DAAM1: variants seen among roughly 807,000 people sequenced by gnomAD.
The protein encoded by DAAM1 is dishevelled associated activator of morphogenesis 1.
In DAAM1, 52 loss-of-function variants were observed where a neutral mutation model predicts 130.0. The ratio of observed to expected loss-of-function variants is 0.40; its 90% confidence interval spans 0.32 to 0.50. The LOEUF is 0.50. DAAM1 is among the 20% of genes least tolerant of loss of function. The pLI is 0.61. For missense variants in DAAM1, 1,134 were observed against 1,303.8 expected (o/e 0.87, Z 2.01); for synonymous variants, 452 against 444.5 (o/e 1.02, Z -0.21).
chr14:59,315,142 A>G, intron 3 of DAAM1, 138 bp from the exon 4 acceptor site: 1 of 807,754 alleles, frequency 1.2e-6, no homozygotes, highest in Non-Finnish European at 2.2e-6. Flanking sequence ...GCCAACATTT[A>G]AAAATAAATA....
intron 1 of DAAM1, among the ~76,000 whole-genome samples, chr14:59,228,534 C>G (rs1283765892): frequency 6.6e-6 from 1 of 152,140 alleles, no homozygotes; most frequent in Non-Finnish European, 1.5e-5. Context: ...CTTTGTCTTC[C>G]CACACATTTC....
chr14:59,320,271 T>C (rs902558572), intron 4 of DAAM1, among the ~76,000 whole-genome samples: 3 of 152,224 alleles, frequency 2.0e-5, no homozygotes. Flanking sequence ...AGTGTAATTA[T>C]AGAATAGTTA....
chr14:59,203,980 C>A (rs192123639), intron 1 of DAAM1, among the ~76,000 whole-genome samples: 290 of 152,336 alleles, frequency 1.9e-3, no homozygotes, highest in African/African-American at 6.3e-3. Flanking sequence ...CTGTGAAACA[C>A]TGTATTAAAA....
rs80306467 is a variant in DAAM1 at position 59,353,544 on chromosome 14, A to G, written c.2268-332A>G. ...CTTTTATCTCTTCTATGCTCAAAAG[A>G]GTTCCTGGGACTCTGAGGGAGGAGA... On this transcript the variant is annotated intron_variant, in intron 18 of 24. Transcript: ENST00000360909. Among the ~76,000 whole-genome samples the G allele has an allele frequency of 6.2e-3, 941 of 152,336 alleles. 11 individuals carry two copies. Among genetic ancestry groups the G allele is most frequent in the African/African-American group, 0.022 (904 of 41,588 alleles).
In DAAM1 at chr14:59,322,790, T is replaced by C. The variant is rs1885062797; in HGVS notation, c.441-102T>C. The C allele has an allele frequency of 3.1e-6, 3 of 955,042 alleles. No individual in the cohort carries two copies. The South Asian group carries it at 5.1e-5, about 16-fold the overall frequency. The allele number at this position is 955,042 out of a possible 1,614,324, so 59.2% of individuals were successfully genotyped here. On this transcript the variant is annotated intron_variant, in intron 5 of 24. Transcript: ENST00000360909. ...CATCAATGTAAGCCTTTTGGCACTT[T>C]AGGAACTAAATCTTTCTTTCCCCTG...
At chr14:59,222,959 C>T (rs776831951) in intron 1 of DAAM1, among the ~76,000 whole-genome samples, 1 of 152,238 alleles carries the variant, frequency 6.6e-6, no homozygotes, top group Non-Finnish European at 1.5e-5. Flanking sequence ...TTTCCCTTCA[C>T]CACTGTCCTT....
chr14:59,328,941 T>C (rs1885317540), intron 12 of DAAM1, among the ~76,000 whole-genome samples: 1 of 152,224 alleles, frequency 6.6e-6, no homozygotes, highest in African/African-American at 2.4e-5. Flanking sequence ...TTTGTTAAAA[T>C]AGTCCAAGGG....
chr14:59,247,343 T>C (rs1881434380), intron 1 of DAAM1, among the ~76,000 whole-genome samples: 1 of 152,212 alleles, frequency 6.6e-6, no homozygotes, highest in Admixed American at 6.5e-5. Context: ...TTTGTTCTTC[T>C]TTTTCAAGAT....
At chr14:59,294,078 G>T (rs1481584319) in intron 3 of DAAM1, among the ~76,000 whole-genome samples, 2 of 152,172 alleles carry the variant, frequency 1.3e-5, no homozygotes, top group African/African-American at 4.8e-5. Context: ...AGAATACAGG[G>T]CATTACAGAC....
Position 59,364,931 on chromosome 14 carries a change from C to A in DAAM1, c.2826+1149C>A, listed in dbSNP as rs537496171. 2.7e-5 allele frequency among the ~76,000 whole-genome samples: 4 copies of A among 149,978 alleles called. No homozygotes were observed. In the South Asian group the frequency reaches 8.4e-4, roughly 31 times the overall value. On this transcript the variant is annotated intron_variant, in intron 23 of 24. Transcript: ENST00000360909. ...AGACCTCCACTGTGAAAGCCCCCAT[C>A]CATGTTTTATGTATGCCTCACCACT...
intron 4 of DAAM1, among the ~76,000 whole-genome samples, chr14:59,317,920 C>G (rs1346581185): frequency 1.3e-5 from 2 of 152,276 alleles, no homozygotes; most frequent in East Asian, 3.9e-4. Context: ...CCTGACTTTT[C>G]TGAGATGGGA....
intron 2 of DAAM1, among the ~76,000 whole-genome samples, chr14:59,280,925 G>C (rs1170862468): frequency 6.6e-6 from 1 of 152,058 alleles, no homozygotes; most frequent in Non-Finnish European, 1.5e-5. Flanking sequence ...TACTGTTATT[G>C]TTTTTATTTT....
intron 2 of DAAM1, among the ~76,000 whole-genome samples, chr14:59,289,309 T>G (rs1883611700): frequency 6.6e-6 from 1 of 151,928 alleles, no homozygotes; most frequent in Admixed American, 6.6e-5. Flanking sequence ...TCCAATAACC[T>G]CCCACCAGGC....
At position 59,367,610 on chromosome 14, in the gene DAAM1, GATTA is replaced by G; in HGVS notation, c.2997+15_2997+18del. ...CGCATGGAAGCTCAGGTGAGAGGAT[GATTA>G]ATTGACCAATTCCACCTCCTAGAAG... is the stretch of plus-strand genomic sequence containing the variant. On this transcript the variant is annotated intron_variant, in intron 24 of 24. Transcript: ENST00000360909. 6.2e-7 allele frequency: 1 copy of G among 1,609,412 alleles called. No individual in the cohort carries two copies. Among genetic ancestry groups the G allele is most frequent in the Admixed American group, 1.7e-5 (1 of 59,734 alleles).
Position 59,310,983 on chromosome 14 carries a change from C to A in DAAM1, c.274-4297C>A, listed in dbSNP as rs1430809610. On this transcript the variant is annotated intron_variant, in intron 3 of 24. Coordinates refer to ENST00000360909, the MANE Select transcript of DAAM1 (RefSeq NM_001270520.2). Reference sequence around the variant, plus strand: ...ACTGAAAAAAAACAAAAAAAACAAACAAAAAAACTCTGACATACTTATGTA... The same window carrying A: ...ACTGAAAAAAAACAAAAAAAACAAAAAAAAAAACTCTGACATACTTATGTA... 4.6e-5 allele frequency among the ~76,000 whole-genome samples: 7 copies of A among 151,494 alleles called. No individual in the cohort carries two copies. The Middle Eastern group carries it at 0.01, about 221-fold the overall frequency.
At position 59,306,396 on chromosome 14, in the gene DAAM1, A is replaced by G. The variant is rs531090050; in HGVS notation, c.274-8884A>G. ...AGTAAAGGAATGAGAAGGAAAGCAA[A>G]TGCCTTTTTAGATTCCATTCAGCAT... On this transcript the variant is annotated intron_variant, in intron 3 of 24. Coordinates refer to ENST00000360909, the MANE Select transcript of DAAM1 (RefSeq NM_001270520.2). Among the ~76,000 whole-genome samples, 4 of 152,328 alleles carry G rather than the reference A, an allele frequency of 2.6e-5. No individual in the cohort carries two copies. The South Asian group carries it at 8.3e-4, about 32-fold the overall frequency.
chr14:59,360,384 C>T (rs1886658091), intron 21 of DAAM1, among the ~76,000 whole-genome samples: 1 of 152,198 alleles, frequency 6.6e-6, no homozygotes, highest in African/African-American at 2.4e-5. Context: ...TAGTGAAAAG[C>T]AGAACACTGA....
intron 16 of DAAM1, among the ~76,000 whole-genome samples, chr14:59,341,911 A>G (rs1885864568): frequency 6.6e-6 from 1 of 152,172 alleles, no homozygotes. Context: ...ATGCCTTTAG[A>G]GTAAAAACTG....
At position 59,359,494 on chromosome 14, in the gene DAAM1, G is replaced by A. The variant is rs1401013835; in HGVS notation, c.2623G>A (p.Ala875Thr). The A allele has an allele frequency of 4.3e-6, 7 of 1,612,762 alleles. No homozygotes were observed. Among genetic ancestry groups the A allele is most frequent in the Non-Finnish European group, 5.9e-6 (7 of 1,179,050 alleles). ...NEELRDIPQAAKVNMTELDKE... is the reference protein window; with the variant it reads ...NEELRDIPQATKVNMTELDKE... ...AGAATTGCGAGATATTCCTCAAGCT[G>A]CGAAAGTAAAGTAAGTACTTACAGT... is the stretch of plus-strand genomic sequence containing the variant. Residue 875 changes from alanine to threonine, a missense_variant, in exon 21 of 25, where the codon GCG (alanine) becomes ACG (threonine). By Grantham distance (58) the Ala-to-Thr change is moderately conservative. Transcript: ENST00000360909.
Sources: gnomAD v4.1 joint callset for allele counts (sites outside exome capture counted in the v4.1 genomes callset) on GRCh38, gnomAD v4.1.1 for gene constraint, MANE v1.5 for transcripts, NCBI Gene and HGNC (gene_info 2026-07-23, HGNC 2026-07-21) for gene names.